OR2L13: variants seen among roughly 807,000 people sequenced by gnomAD.
OR2L13 encodes olfactory receptor family 2 subfamily L member 13.
Under a neutral mutation model 15.3 loss-of-function variants are expected in OR2L13, and 14 were observed. The ratio of observed to expected loss-of-function variants is 0.91; its 90% confidence interval spans 0.60 to 1.43. The LOEUF (loss-of-function observed/expected upper bound fraction) is 1.43, where lower values mean the gene tolerates loss of function less well. Ranked by LOEUF, OR2L13 falls within the 40% of genes most tolerant of loss-of-function variation. The pLI is 0.00. For synonymous variants in OR2L13, 152 were observed against 142.9 expected (o/e 1.06, Z -0.45); for missense variants, 367 against 387.9 (o/e 0.95, Z 0.45).
chr1:248,097,456 A>G (rs150957663), intron 1 of OR2L13: 44 of 152,322 alleles, frequency 2.9e-4, no homozygotes, highest in African/African-American at 1.1e-3. Context: ...TCCTAAACTC[A>G]AACTCCAATA....
At chr1:247,997,656 CA>C in the OR2L13 span, among the ~76,000 whole-genome samples, 6 of 151,660 alleles carry the variant, frequency 4.0e-5, no homozygotes, top group Non-Finnish European at 7.4e-5. Flanking sequence ...AGTTTAGAAA[CA>C]AAAAAAACTG....
intron 1 of OR2L13, among the ~76,000 whole-genome samples, chr1:248,097,516 A>T (rs1204935825): frequency 6.6e-6 from 1 of 152,226 alleles, no homozygotes; most frequent in Non-Finnish European, 1.5e-5. Flanking sequence ...TCCTAAAAGT[A>T]ACTATTCTCT....
the OR2L13 span, chr1:248,021,967 C>A: frequency 6.2e-7 from 1 of 1,613,048 alleles, no homozygotes; most frequent in African/African-American, 1.3e-5. Context: ...TACAATCAAA[C>A]GTCAACTGAT....
At chr1:247,975,768 T>C in the OR2L13 span, 5 of 393,302 alleles carry the variant, frequency 1.3e-5, no homozygotes, top group African/African-American at 2.1e-5. Flanking sequence ...CAAAAATTAC[T>C]CTAGAAAATT....
At chr1:248,075,917 C>T in the OR2L13 span, among the ~76,000 whole-genome samples, 5 of 152,152 alleles carry the variant, frequency 3.3e-5, no homozygotes, top group Non-Finnish European at 7.4e-5. Context: ...TCATGACGCC[C>T]TTGCCCTTGC....
At chr1:248,001,234 C>T in the OR2L13 span, among the ~76,000 whole-genome samples, 5,094 of 152,068 alleles carry the variant, frequency 0.033, 127 homozygotes, top group Non-Finnish European at 0.048. Flanking sequence ...TTGATGAACT[C>T]CAACAGAATC....
At chr1:248,099,668 T>G in exon 3 of OR2L13, 1 of 1,614,200 alleles carries the variant, frequency 6.2e-7, no homozygotes, top group South Asian at 1.1e-5. Context: ...GGATGTGGTG[T>G]GCAAAGCTTC....
At chr1:247,946,562 ACT>A in the OR2L13 span, among the ~76,000 whole-genome samples, 4 of 152,050 alleles carry the variant, frequency 2.6e-5, no homozygotes, top group Non-Finnish European at 4.4e-5. Flanking sequence ...AACATAACAA[ACT>A]CTTGCTGACC....
the OR2L13 span, among the ~76,000 whole-genome samples, chr1:247,985,107 T>G: frequency 3.3e-5 from 5 of 152,152 alleles, no homozygotes; most frequent in African/African-American, 1.2e-4. Context: ...TATTTTTTAC[T>G]CTTTTTTTTA....
chr1:248,058,577 C>A, the OR2L13 span, among the ~76,000 whole-genome samples: 2 of 151,764 alleles, frequency 1.3e-5, no homozygotes, highest in Admixed American at 6.6e-5. Flanking sequence ...ATTTCAAAAG[C>A]TTTAGAATTT....
chr1:247,971,235 A>T, the OR2L13 span, among the ~76,000 whole-genome samples: 1,748 of 152,096 alleles, frequency 0.011, 15 homozygotes, highest in Non-Finnish European at 0.018. Flanking sequence ...TTTAGTCTGA[A>T]TCTTTTCTTT....
chr1:247,963,552 C>T, the OR2L13 span, among the ~76,000 whole-genome samples: 1 of 152,154 alleles, frequency 6.6e-6, no homozygotes, highest in African/African-American at 2.4e-5. Flanking sequence ...GAAAAACATA[C>T]ATGCTTGGGT....
chr1:247,949,118 A>G, the OR2L13 span: 1 of 1,612,006 alleles, frequency 6.2e-7, no homozygotes, highest in African/African-American at 1.3e-5. Context: ...TTCTGCATGG[A>G]AACAAGTCTA....
the OR2L13 span, among the ~76,000 whole-genome samples, chr1:247,966,794 TTAA>T: frequency 6.6e-6 from 1 of 152,208 alleles, no homozygotes; most frequent in Non-Finnish European, 1.5e-5. Context: ...TCATGCTTGA[TTAA>T]TAATGTTTCT....
the OR2L13 span, among the ~76,000 whole-genome samples, chr1:248,005,134 A>C: frequency 7.2e-5 from 11 of 152,304 alleles, 1 homozygote; most frequent in East Asian, 2.1e-3. Context: ...AGTAAACAAT[A>C]ATTTATTGTA....
the OR2L13 span, chr1:248,022,057 C>T: frequency 1.1e-5 from 17 of 1,613,690 alleles, no homozygotes; most frequent in African/African-American, 1.7e-4. Context: ...TTCCTAATGG[C>T]TCTAATTGGA....
chr1:247,976,224 A>G, the OR2L13 span, among the ~76,000 whole-genome samples: 152,338 of 152,340 alleles, frequency 1, 76,168 homozygotes, highest in Non-Finnish European at 1. Context: ...TGTGGAGTAG[A>G]TTATTTGAAC....
upstream of OR2L13, among the ~76,000 whole-genome samples, chr1:248,096,338 A>T (rs1401671852): frequency 6.6e-6 from 1 of 151,680 alleles, no homozygotes; most frequent in African/African-American, 2.4e-5. Context: ...AGCCAAGATC[A>T]GGCCACTGCA....
the OR2L13 span, chr1:248,039,054 T>C: frequency 5.0e-6 from 8 of 1,613,950 alleles, no homozygotes; most frequent in Non-Finnish European, 5.9e-6. Flanking sequence ...ACGTCCAAGA[T>C]CCCTGCGATC....
Sources: gnomAD v4.1 joint callset for allele counts (sites outside exome capture counted in the v4.1 genomes callset) on GRCh38, gnomAD v4.1.1 for gene constraint, MANE v1.5 for transcripts, NCBI Gene and HGNC (gene_info 2026-07-23, HGNC 2026-07-21) for gene names.